SCGB2B2: variants seen among roughly 807,000 people sequenced by gnomAD.
The protein encoded by SCGB2B2 is secretoglobin-like protein.
Under a neutral mutation model 7.6 loss-of-function variants are expected in SCGB2B2, and 11 were observed. The observed-to-expected ratio is 1.45, with a 90% CI of 0.91 to 2.40. SCGB2B2 has a LOEUF of 2.40. Among genes scored for constraint, SCGB2B2 ranks in the 30% most tolerant of loss-of-function variants. The pLI is 0.00. For synonymous variants in SCGB2B2, 50 were observed against 48.6 expected (o/e 1.03, Z -0.12); for missense variants, 104 against 115.4 (o/e 0.90, Z 0.45).
intron 1 of SCGB2B2, among the ~76,000 whole-genome samples, chr19:34,632,216 T>G (rs376494625): frequency 6.6e-6 from 1 of 152,234 alleles, no homozygotes; most frequent in East Asian, 1.9e-4. Context: ...CAAATACTTC[T>G]GAGATATGTA....
chr19:34,586,263 CT>C (rs1396116573), downstream of SCGB2B2, among the ~76,000 whole-genome samples: 2 of 152,092 alleles, frequency 1.3e-5, no homozygotes, highest in South Asian at 2.1e-4. Flanking sequence ...GTTTTAATAT[CT>C]TTTAATAAAG....
At chr19:34,589,550 G>T (rs1179030309), downstream of SCGB2B2, among the ~76,000 whole-genome samples, 1 of 152,208 alleles carries the variant, frequency 6.6e-6, no homozygotes, top group East Asian at 1.9e-4. Context: ...AGGGGCTCTG[G>T]CTGTCATGGG....
chr19:34,594,555 C>T lies in SCGB2B2; in HGVS notation c.9G>A (p.Val3=), dbSNP rs775281095. Residue 3 remains valine, a synonymous_variant, in exon 2 of 4, where the codon GTG becomes GTA. Transcript: ENST00000601241. MR[V]TSATCALLLA... is the part of the protein sequence containing the mutation. ...GCAGAAGAGCACAGGTGGCGGATGTCACCCTCATGACAGCGGAGTCTGGTC... is the reference window on the plus strand; with the variant it reads ...GCAGAAGAGCACAGGTGGCGGATGTTACCCTCATGACAGCGGAGTCTGGTC... 9 of 1,612,660 alleles carry T rather than the reference C, an allele frequency of 5.6e-6. No homozygotes were observed. In the Admixed American group the frequency reaches 1.5e-4, roughly 27 times the overall value.
intron 1 of SCGB2B2, among the ~76,000 whole-genome samples, chr19:34,607,950 G>T (rs2145821648): frequency 6.7e-6 from 1 of 150,168 alleles, no homozygotes; most frequent in East Asian, 1.9e-4. Context: ...GCTTTTTTGT[G>T]ATTCCATAAA....
chr19:34,614,743 T>G (rs2066024106), intron 1 of SCGB2B2, among the ~76,000 whole-genome samples: 1 of 152,216 alleles, frequency 6.6e-6, no homozygotes, highest in African/African-American at 2.4e-5. Flanking sequence ...CTTTCAAACT[T>G]TTTAGAGTTG....
Position 34,606,501 on chromosome 19 carries a change from T to TTTTTC in SCGB2B2, c.-2031-9912_-2031-9908dup, listed in dbSNP as rs1174156746. On this transcript the variant is annotated intron_variant, in intron 1 of 3. Coordinates refer to ENST00000601241, the MANE Select transcript of SCGB2B2 (RefSeq NM_001025591.4). ...AACTTTTTGAGGGGTAGGAAACAGG[T>TTTTTC]TTTTCTTTTCTTTTTCTTTTTTTTT... Among the ~76,000 whole-genome samples the TTTTTC allele has an allele frequency of 1.6e-4, 20 of 128,044 alleles. 1 individual carries two copies. Among genetic ancestry groups the TTTTTC allele is most frequent in the East Asian group, 6.3e-4 (3 of 4,796 alleles). The allele number at this position is 128,044 out of a possible 152,430, so 84.0% of individuals were successfully genotyped here.
At chr19:34,673,828 T>C (rs1411486418) in intron 1 of SCGB2B2, among the ~76,000 whole-genome samples, 1 of 152,200 alleles carries the variant, frequency 6.6e-6, no homozygotes, top group Non-Finnish European at 1.5e-5. Flanking sequence ...CCCATGACTA[T>C]GGGCCATGAC....
intron 1 of SCGB2B2, among the ~76,000 whole-genome samples, chr19:34,604,391 T>C (rs1353739594): frequency 6.6e-6 from 1 of 152,220 alleles, no homozygotes; most frequent in African/African-American, 2.4e-5. Context: ...CCTGAATGAA[T>C]AGATGTTGAT....
intron 1 of SCGB2B2, among the ~76,000 whole-genome samples, chr19:34,598,383 C>T (rs1023425702): frequency 8.5e-5 from 13 of 152,220 alleles, no homozygotes; most frequent in African/African-American, 3.1e-4. Flanking sequence ...GAGCCACCCA[C>T]TTCCTTGTGA....
chr19:34,607,530 T>A (rs1193150088), intron 1 of SCGB2B2, among the ~76,000 whole-genome samples: 1 of 152,358 alleles, frequency 6.6e-6, no homozygotes, highest in South Asian at 2.1e-4. Context: ...CTCCATTTTG[T>A]TTTTCATAAA....
At chr19:34,618,482 A>G (rs1262766295) in intron 1 of SCGB2B2, among the ~76,000 whole-genome samples, 1 of 152,156 alleles carries the variant, frequency 6.6e-6, no homozygotes, top group Non-Finnish European at 1.5e-5. Context: ...ATCTTAGCCA[A>G]CTTTCTCATA....
chr19:34,591,024 G>C lies in SCGB2B2; in HGVS notation c.*2531C>G, dbSNP rs905599034. Reference sequence around the variant, plus strand: ...TTAATTGAGACTGAATAAGTAGCATGATCTGCATTATTTTCTTTAGCTCCA... The same window carrying C: ...TTAATTGAGACTGAATAAGTAGCATCATCTGCATTATTTTCTTTAGCTCCA... On this transcript the variant is annotated 3_prime_UTR_variant, in exon 4 of 4. Transcript: ENST00000601241. Among the ~76,000 whole-genome samples the C allele has an allele frequency of 6.6e-6, 1 of 152,196 alleles. No homozygotes were observed. The highest frequency in any genetic ancestry group is 6.5e-5 in the Admixed American group (1 of 15,280).
chr19:34,626,255 G>A (rs539720751), intron 1 of SCGB2B2, among the ~76,000 whole-genome samples: 9 of 152,308 alleles, frequency 5.9e-5, no homozygotes, highest in East Asian at 1.9e-4. Context: ...AAAGATGGAC[G>A]GAGAGTGACT....
chr19:34,666,954 G>T (rs1447687186), intron 1 of SCGB2B2, among the ~76,000 whole-genome samples: 1 of 152,048 alleles, frequency 6.6e-6, no homozygotes, highest in Non-Finnish European at 1.5e-5. Context: ...ACACCTACAT[G>T]GATTCTGTCA....
intron 1 of SCGB2B2, among the ~76,000 whole-genome samples, chr19:34,665,352 G>C (rs1342668571): frequency 2.0e-5 from 3 of 152,234 alleles, no homozygotes; most frequent in African/African-American, 4.8e-5. Context: ...TCCCAAGTGA[G>C]GCTGAGGTGG....
rs1192507998 is a variant in SCGB2B2 at position 34,592,397 on chromosome 19, G to A, written c.*1158C>T. On this transcript the variant is annotated 3_prime_UTR_variant, in exon 4 of 4. Coordinates refer to ENST00000601241, the MANE Select transcript of SCGB2B2 (RefSeq NM_001025591.4). ...TTCCCATGGAAGGGGAGTGAGGCTGGAGGCAGGGAGACTCAGAGGGATGGA... is the reference window on the plus strand; with the variant it reads ...TTCCCATGGAAGGGGAGTGAGGCTGAAGGCAGGGAGACTCAGAGGGATGGA... 6.6e-6 allele frequency among the ~76,000 whole-genome samples: 1 copy of A among 152,142 alleles called. No individual in the cohort carries two copies.
intron 1 of SCGB2B2, among the ~76,000 whole-genome samples, chr19:34,617,079 G>T (rs1407544928): frequency 6.6e-6 from 1 of 152,158 alleles, no homozygotes; most frequent in African/African-American, 2.4e-5. Flanking sequence ...TGCTGTTTTG[G>T]TTATGTAGCC....
rs1412314637 is a variant in SCGB2B2, at chr19:34,676,709, T to C, written c.-3111A>G. On this transcript the variant is annotated 5_prime_UTR_variant, in exon 1 of 4. It removes an upstream start codon present in the reference 5' UTR. Transcript: ENST00000601241. The stretch of plus-strand genomic sequence containing the variant: ...CAGAAGCACTGCTTCACGAAGATCA[T>C]GCAGGTCAGTACTTAATAAGTACAA... 3 of 152,322 alleles carry C rather than the reference T, an allele frequency of 2.0e-5. No homozygotes were observed. The South Asian group carries it at 6.2e-4, about 32-fold the overall frequency. 9.4% of individuals were successfully genotyped at this position (152,322 alleles called of 1,614,324 possible). A position where few individuals can be genotyped will look rare whatever the true frequency, so the allele number is the denominator to read the frequency against.
intron 1 of SCGB2B2, among the ~76,000 whole-genome samples, chr19:34,613,040 C>T (rs1303979977): frequency 1.3e-5 from 2 of 151,906 alleles, no homozygotes; most frequent in African/African-American, 4.8e-5. Context: ...AGCATACTGA[C>T]TCCTGATTGC....
Sources: gnomAD v4.1 joint callset for allele counts (sites outside exome capture counted in the v4.1 genomes callset) on GRCh38, gnomAD v4.1.1 for gene constraint, MANE v1.5 for transcripts, NCBI Gene and HGNC (gene_info 2026-07-23, HGNC 2026-07-21) for gene names.